The following CSMD1 variants were observed in gnomAD, a reference collection of about 807,000 sequenced individuals.
The protein encoded by CSMD1 is CUB and sushi domain-containing protein 1.
In CSMD1, 213 loss-of-function variants were observed where a neutral mutation model predicts 417.5. That is an observed-to-expected ratio of 0.51 (90% CI 0.46 to 0.57). CSMD1 has a LOEUF of 0.57. CSMD1 is among the 20% of genes least tolerant of loss of function. The pLI is 0.00. For synonymous variants in CSMD1, 2,862 were observed against 1,736.8 expected, an observed-to-expected ratio of 1.65 and a Z score of -16.11; for missense variants, 6,923 against 4,529.7, an observed-to-expected ratio of 1.53 and a Z score of -15.17.
At chr8:4,065,480 G>C (rs372127025) in intron 3 of CSMD1, among the ~76,000 whole-genome samples, 20 of 152,260 alleles carry the variant, frequency 1.3e-4, no homozygotes, top group East Asian at 7.7e-4. Flanking sequence ...ATGTACATTA[G>C]CTAATACAAA....
At chr8:4,706,949 T>C (rs889648653) in intron 1 of CSMD1, among the ~76,000 whole-genome samples, 1 of 152,176 alleles carries the variant, frequency 6.6e-6, no homozygotes, top group African/African-American at 2.4e-5. Flanking sequence ...CATCTGAAGC[T>C]TGGCAGAGGT....
intron 54 of CSMD1, among the ~76,000 whole-genome samples, chr8:2,984,874 C>T (rs1006346361): frequency 3.3e-5 from 5 of 152,312 alleles, no homozygotes; most frequent in African/African-American, 4.8e-5. Context: ...TATTTATGCA[C>T]GTATTTAATC....
intron 2 of CSMD1, among the ~76,000 whole-genome samples, chr8:4,465,003 G>C (rs559135485): frequency 5.2e-4 from 79 of 152,206 alleles, no homozygotes; most frequent in African/African-American, 1.9e-3. Flanking sequence ...GAACCCAGGA[G>C]CTACCTTGGG....
At chr8:3,717,056 G>T (rs1027714362) in intron 6 of CSMD1, among the ~76,000 whole-genome samples, 4 of 152,064 alleles carry the variant, frequency 2.6e-5, no homozygotes, top group African/African-American at 7.2e-5. Flanking sequence ...GGTTTGCTGT[G>T]GTGAAGTCTG....
At chr8:4,132,679 C>A (rs1319782132) in intron 3 of CSMD1, among the ~76,000 whole-genome samples, 1 of 152,136 alleles carries the variant, frequency 6.6e-6, no homozygotes, top group Non-Finnish European at 1.5e-5. Flanking sequence ...ACCTGATGAG[C>A]CTCGCAACTC....
intron 1 of CSMD1, among the ~76,000 whole-genome samples, chr8:4,926,607 T>A (rs931278015): frequency 6.6e-6 from 1 of 152,218 alleles, no homozygotes; most frequent in Non-Finnish European, 1.5e-5. Context: ...AAATATGGAA[T>A]AAAAAGCATG....
At chr8:4,447,586 A>C (rs1028810842) in intron 2 of CSMD1, among the ~76,000 whole-genome samples, 2 of 152,210 alleles carry the variant, frequency 1.3e-5, no homozygotes, top group African/African-American at 4.8e-5. Context: ...TGTCAACAGA[A>C]AACGCTTTCA....
At chr8:4,432,259 C>A (rs541191186) in intron 2 of CSMD1, among the ~76,000 whole-genome samples, 12 of 152,268 alleles carry the variant, frequency 7.9e-5, no homozygotes, top group Admixed American at 3.3e-4. Context: ...CACACAGGAA[C>A]TTAACTGTTT....
chr8:4,428,907 G>T (rs189399944), intron 2 of CSMD1, among the ~76,000 whole-genome samples: 1 of 152,028 alleles, frequency 6.6e-6, no homozygotes, highest in Non-Finnish European at 1.5e-5. Flanking sequence ...CAGAGACAGG[G>T]TTTCACCATT....
At chr8:4,114,284 C>T (rs1440892910) in intron 3 of CSMD1, among the ~76,000 whole-genome samples, 2 of 152,170 alleles carry the variant, frequency 1.3e-5, no homozygotes, top group African/African-American at 4.8e-5. Context: ...TGCACTCTGC[C>T]TGTGCTGTCT....
chr8:3,183,917 A>G (rs1821590900), intron 36 of CSMD1, among the ~76,000 whole-genome samples: 1 of 152,182 alleles, frequency 6.6e-6, no homozygotes, highest in Non-Finnish European at 1.5e-5. Flanking sequence ...ATAATCTTCC[A>G]ACTTGTTTTT....
At chr8:4,325,140 C>T (rs1038752872) in intron 3 of CSMD1, among the ~76,000 whole-genome samples, 4 of 152,102 alleles carry the variant, frequency 2.6e-5, no homozygotes, top group African/African-American at 9.7e-5. Flanking sequence ...ATCATGAATG[C>T]TGACAAGACA....
chr8:2,990,955 T>G (rs1001131052), intron 54 of CSMD1, among the ~76,000 whole-genome samples: 1 of 152,206 alleles, frequency 6.6e-6, no homozygotes, highest in African/African-American at 2.4e-5. Context: ...TTCCCACATT[T>G]CAATGTGATC....
At chr8:4,755,521 C>A (rs542232088) in intron 1 of CSMD1, among the ~76,000 whole-genome samples, 1 of 152,152 alleles carries the variant, frequency 6.6e-6, no homozygotes, top group Admixed American at 6.5e-5. Context: ...TTCCTGCTTT[C>A]AACTCTGTCT....
chr8:3,168,654 A>ACACACACAAAT (rs1554448540), intron 37 of CSMD1, among the ~76,000 whole-genome samples: 2 of 105,264 alleles, frequency 1.9e-5, no homozygotes, highest in African/African-American at 8.0e-5. Context: ...CACACACACA[A>ACACACACAAAT]ATATATATAT....
At chr8:3,661,983 G>C (rs532813174) in intron 7 of CSMD1, among the ~76,000 whole-genome samples, 26 of 152,320 alleles carry the variant, frequency 1.7e-4, no homozygotes, top group East Asian at 9.6e-4. Context: ...GGCTGCGGGA[G>C]AGAGGAGCTA....
At chr8:3,852,985 G>A (rs936786256) in intron 5 of CSMD1, among the ~76,000 whole-genome samples, 16 of 152,122 alleles carry the variant, frequency 1.1e-4, no homozygotes, top group Non-Finnish European at 1.8e-4. Flanking sequence ...CTCCCCAAGA[G>A]TGTTCTTGAC....
At chr8:4,860,281 G>C (rs1370730175) in intron 1 of CSMD1, among the ~76,000 whole-genome samples, 1 of 126,580 alleles carries the variant, frequency 7.9e-6, no homozygotes, top group Non-Finnish European at 1.7e-5. Flanking sequence ...GGAGGGGGGA[G>C]GGATAGCATT....
chr8:3,075,530 C>T (rs1402109356), intron 49 of CSMD1, among the ~76,000 whole-genome samples: 1 of 151,914 alleles, frequency 6.6e-6, no homozygotes, highest in African/African-American at 2.4e-5. Context: ...TTCTGTCCAC[C>T]TAGGCCTCCC....
Sources: gnomAD v4.1 joint callset for allele counts (sites outside exome capture counted in the v4.1 genomes callset) on GRCh38, gnomAD v4.1.1 for gene constraint, MANE v1.5 for transcripts, NCBI Gene and HGNC (gene_info 2026-07-23, HGNC 2026-07-21) for gene names.